PLCXD3: variants seen among roughly 807,000 people sequenced by gnomAD.
PLCXD3 encodes phosphatidylinositol specific phospholipase C X domain containing 3.
Under a neutral mutation model 25.5 loss-of-function variants are expected in PLCXD3, and 19 were observed. The ratio of observed to expected loss-of-function variants is 0.75; its 90% confidence interval spans 0.52 to 1.09. The LOEUF (loss-of-function observed/expected upper bound fraction) is 1.09, where lower values mean the gene tolerates loss of function less well. PLCXD3 is among the 50% of genes least tolerant of loss of function. The probability of loss-of-function intolerance (pLI) is 0.00; values close to 1 mark genes in which losing one functional copy is unlikely to be tolerated. For missense variants in PLCXD3, 411 were observed against 388.1 expected (o/e 1.06, Z -0.50); for synonymous variants, 174 against 137.6 (o/e 1.26, Z -1.85).
At position 41,313,728 on chromosome 5, in the gene PLCXD3, T is replaced by G; in HGVS notation, c.855A>C (p.Pro285=). Residue 285 remains proline (P), a synonymous_variant, in exon 3 of 3, where the codon CCA becomes CCC. Transcript: ENST00000377801. ...AMMQWVRTQK[P]GESGINIVTA... is the part of the protein sequence containing the mutation. ...TGACAATATTGATGCCACTCTCTCC[T>G]GGCTTCTGCGTGCGGACCCACTGCA... is the stretch of plus-strand genomic sequence containing the variant. 1 of 1,613,122 alleles carries G rather than the reference T, an allele frequency of 6.2e-7. No homozygotes were observed. Among genetic ancestry groups the G allele is most frequent in the South Asian group, 1.1e-5 (1 of 91,000 alleles).
chr5:41,395,061 A>G (rs1233064798), intron 1 of PLCXD3, among the ~76,000 whole-genome samples: 1 of 152,170 alleles, frequency 6.6e-6, no homozygotes, highest in Admixed American at 6.5e-5. Context: ...TCAAGAATAT[A>G]TCATATATTA....
chr5:41,458,631 G>A (rs1187605610), intron 1 of PLCXD3, among the ~76,000 whole-genome samples: 1 of 151,936 alleles, frequency 6.6e-6, no homozygotes, highest in Non-Finnish European at 1.5e-5. Context: ...CAGGGCAAAG[G>A]GTCAGGTCAT....
At chr5:41,338,976 T>G (rs987273627) in intron 2 of PLCXD3, among the ~76,000 whole-genome samples, 5 of 152,140 alleles carry the variant, frequency 3.3e-5, no homozygotes, top group Admixed American at 6.6e-5. Flanking sequence ...GGCCAAAGAT[T>G]ATTTTGGCTA....
intron 2 of PLCXD3, among the ~76,000 whole-genome samples, chr5:41,362,449 A>G (rs547091146): frequency 1.3e-3 from 191 of 152,360 alleles, no homozygotes; most frequent in African/African-American, 4.1e-3. Context: ...AAATAGAAAT[A>G]AAAATATCTG....
intron 2 of PLCXD3, among the ~76,000 whole-genome samples, chr5:41,324,403 G>C (rs1435748398): frequency 6.6e-6 from 1 of 152,144 alleles, no homozygotes; most frequent in Non-Finnish European, 1.5e-5. Context: ...TAAAAATCCT[G>C]ATCCATAATT....
chr5:41,476,422 A>G (rs565959672), intron 1 of PLCXD3, among the ~76,000 whole-genome samples: 2 of 152,336 alleles, frequency 1.3e-5, no homozygotes, highest in East Asian at 1.9e-4. Flanking sequence ...TTAACCATCT[A>G]GGTGTCTAGA....
At chr5:41,408,719 G>C (rs1288640698) in intron 1 of PLCXD3, among the ~76,000 whole-genome samples, 1 of 152,186 alleles carries the variant, frequency 6.6e-6, no homozygotes, top group Non-Finnish European at 1.5e-5. Flanking sequence ...ACACAAGTCT[G>C]TGGCCATAAG....
intron 1 of PLCXD3, among the ~76,000 whole-genome samples, chr5:41,391,699 C>A (rs1220574321): frequency 2.0e-5 from 3 of 152,108 alleles, no homozygotes; most frequent in African/African-American, 7.2e-5. Flanking sequence ...TTGTCTTGCA[C>A]CTTAGGTGCC....
At chr5:41,435,776 G>A (rs1229431682) in intron 1 of PLCXD3, among the ~76,000 whole-genome samples, 1 of 152,222 alleles carries the variant, frequency 6.6e-6, no homozygotes, top group Non-Finnish European at 1.5e-5. Context: ...TAGAAAATAA[G>A]ATTTGTGGAG....
intron 1 of PLCXD3, among the ~76,000 whole-genome samples, chr5:41,453,299 A>T (rs1190358712): frequency 6.6e-6 from 1 of 151,376 alleles, no homozygotes; most frequent in Non-Finnish European, 1.5e-5. Context: ...GATGATTCCA[A>T]TGTCACAAAC....
intron 2 of PLCXD3, among the ~76,000 whole-genome samples, chr5:41,338,261 A>G (rs558063039): frequency 6.6e-6 from 1 of 152,206 alleles, no homozygotes; most frequent in South Asian, 2.1e-4. Flanking sequence ...TCTTGGCCAC[A>G]TAAGTGTAGG....
rs375885993 is a variant in PLCXD3 at position 41,387,333 on chromosome 5, C to A, written c.104-4799G>T. Among the ~76,000 whole-genome samples the A allele has an allele frequency of 3.3e-5, 5 of 152,142 alleles. No individual in the cohort carries two copies. The East Asian group carries it at 9.7e-4, about 29-fold the overall frequency. On this transcript the variant is annotated intron_variant, in intron 1 of 2. Coordinates refer to ENST00000377801, the MANE Select transcript of PLCXD3 (RefSeq NM_001005473.3). Reference sequence around the variant, plus strand: ...TCTAGCATGATCCTGAGCAGAGGATCCAGCTAATTCATATCCATCGTCCTT... The same window carrying A: ...TCTAGCATGATCCTGAGCAGAGGATACAGCTAATTCATATCCATCGTCCTT...
chr5:41,491,537 T>C (rs1411937346), intron 1 of PLCXD3, among the ~76,000 whole-genome samples: 5 of 152,190 alleles, frequency 3.3e-5, no homozygotes, highest in African/African-American at 4.8e-5. Context: ...AGTGGGGTGT[T>C]AAAGTCTCCC....
At chr5:41,318,591 A>G (rs1600186) in intron 2 of PLCXD3, among the ~76,000 whole-genome samples, 4,300 of 152,272 alleles carry the variant, frequency 0.028, 221 homozygotes, top group African/African-American at 0.099. Flanking sequence ...AAAAACATGC[A>G]ATGGATACAC....
chr5:41,335,619 A>G (rs1432338505), intron 2 of PLCXD3, among the ~76,000 whole-genome samples: 1 of 152,140 alleles, frequency 6.6e-6, no homozygotes, highest in African/African-American at 2.4e-5. Context: ...GGAGAGAAAT[A>G]GGGAAATAGG....
At chr5:41,492,276 G>A in intron 1 of PLCXD3, among the ~76,000 whole-genome samples, 1 of 152,180 alleles carries the variant, frequency 6.6e-6, no homozygotes, top group South Asian at 2.1e-4. Flanking sequence ...ACTCTCTTCT[G>A]GCTTGTAGAG....
At chr5:41,476,161 C>G (rs572575660) in intron 1 of PLCXD3, among the ~76,000 whole-genome samples, 1 of 152,158 alleles carries the variant, frequency 6.6e-6, no homozygotes, top group African/African-American at 2.4e-5. Flanking sequence ...CTAAGCTGAA[C>G]CATTGTAAGT....
At chr5:41,382,790 T>A (rs908523318) in intron 1 of PLCXD3, among the ~76,000 whole-genome samples, 1 of 152,116 alleles carries the variant, frequency 6.6e-6, no homozygotes, top group African/African-American at 2.4e-5. Context: ...ATTTAAATAA[T>A]CATCTATTCT....
chr5:41,411,793 G>T (rs1233308978), intron 1 of PLCXD3, among the ~76,000 whole-genome samples: 1 of 148,922 alleles, frequency 6.7e-6, no homozygotes, highest in African/African-American at 2.5e-5. Flanking sequence ...TGGTCATATA[G>T]AGTATTGATC....
Sources: gnomAD v4.1 joint callset for allele counts (sites outside exome capture counted in the v4.1 genomes callset) on GRCh38, gnomAD v4.1.1 for gene constraint, MANE v1.5 for transcripts, NCBI Gene and HGNC (gene_info 2026-07-23, HGNC 2026-07-21) for gene names.